Variants in ZNF248 observed in about 807,000 individuals in gnomAD.
ZNF248 encodes zinc finger protein 248.
A neutral mutation model predicts 44.3 loss-of-function variants in ZNF248; 20 were observed. The observed-to-expected ratio is 0.45, with a 90% CI of 0.32 to 0.66. ZNF248 has a LOEUF of 0.66. ZNF248 is among the 30% of genes least tolerant of loss of function. ZNF248 has a pLI of 0.04. For missense variants in ZNF248, 654 were observed against 677.0 expected, an observed-to-expected ratio of 0.97 and a Z score of 0.38; for synonymous variants, 224 against 229.0, an observed-to-expected ratio of 0.98 and a Z score of 0.20.
At chr10:37,789,948 T>A (rs2048304957) in intron 6 of ZNF248, among the ~76,000 whole-genome samples, 2 of 152,096 alleles carry the variant, frequency 1.3e-5, no homozygotes. Flanking sequence ...AAGCTTTATC[T>A]TTTCTTTCAA....
chr10:37,841,921 A>G (rs1424221041), intron 3 of ZNF248, among the ~76,000 whole-genome samples: 1 of 152,198 alleles, frequency 6.6e-6, no homozygotes, highest in Non-Finnish European at 1.5e-5. Flanking sequence ...AAAACAAGGA[A>G]AGTCTGAGAA....
intron 6 of ZNF248, among the ~76,000 whole-genome samples, chr10:37,816,304 AG>A (rs1307219371): frequency 6.6e-6 from 1 of 152,196 alleles, no homozygotes; most frequent in East Asian, 1.9e-4. Flanking sequence ...CACGATCAGA[AG>A]GAGCAATCAG....
intron 6 of ZNF248, among the ~76,000 whole-genome samples, chr10:37,807,208 C>T (rs1348470567): frequency 6.6e-6 from 1 of 152,046 alleles, no homozygotes; most frequent in East Asian, 1.9e-4. Flanking sequence ...TGTCTAAAAC[C>T]ATTTACCCAT....
chr10:37,760,338 C>T, the ZNF248 span, among the ~76,000 whole-genome samples: 1 of 152,094 alleles, frequency 6.6e-6, no homozygotes. Flanking sequence ...TCAGGCAATC[C>T]TCCCACCTCA....
intron 6 of ZNF248, chr10:37,819,967 C>CGGA: frequency 1.3e-6 from 1 of 768,312 alleles, no homozygotes. Context: ...GCGGCCCCAT[C>CGGA]TCAAGCGGTC....
At chr10:37,837,397 G>A (rs1241349892) in intron 5 of ZNF248, among the ~76,000 whole-genome samples, 1 of 152,206 alleles carries the variant, frequency 6.6e-6, no homozygotes, top group East Asian at 1.9e-4. Context: ...ACAGGCGTGA[G>A]CCACCGCACC....
At chr10:37,763,116 G>A in the ZNF248 span, among the ~76,000 whole-genome samples, 2 of 152,120 alleles carry the variant, frequency 1.3e-5, no homozygotes, top group Non-Finnish European at 2.9e-5. Flanking sequence ...GTGAATGCAG[G>A]AATAAAAGAC....
At chr10:37,833,153 T>C (rs769047040) in intron 5 of ZNF248, 37 bp from the exon 6 acceptor site, 1 of 1,536,750 alleles carries the variant, frequency 6.5e-7, no homozygotes, top group Non-Finnish European at 8.7e-7. Context: ...TTATGAACCT[T>C]AATACATTTC....
chr10:37,789,033 G>T (rs138512023), intron 6 of ZNF248, among the ~76,000 whole-genome samples: 3 of 151,952 alleles, frequency 2.0e-5, no homozygotes, highest in Non-Finnish European at 2.9e-5. Flanking sequence ...CTCCATCCCC[G>T]GCTAAAGTTT....
intron 6 of ZNF248, among the ~76,000 whole-genome samples, chr10:37,801,597 A>C (rs2049843558): frequency 6.6e-6 from 1 of 152,192 alleles, no homozygotes; most frequent in South Asian, 2.1e-4. Flanking sequence ...ATATAGAAAA[A>C]TGATTCAAAA....
At chr10:37,823,297 G>A (rs1218718180) in intron 6 of ZNF248, among the ~76,000 whole-genome samples, 32 of 115,640 alleles carry the variant, frequency 2.8e-4, no homozygotes, top group Non-Finnish European at 4.3e-4. Context: ...TTGCGCCACT[G>A]CCCTCCAGCC....
chr10:37,777,378 G>T (rs1335920519), intron 6 of ZNF248, among the ~76,000 whole-genome samples: 1 of 152,090 alleles, frequency 6.6e-6, no homozygotes, highest in Admixed American at 6.5e-5. Context: ...TTCAGGACTT[G>T]CATAAACACC....
chr10:37,832,548 C>A lies in ZNF248; in HGVS notation c.807G>T (p.Pro269=). ...ISQRPHLEME[P]YGCSICGKSF... ...ACTTCCCGCAAATACTGCATCCATACGGCTCCATTTCCAAATGAGGTCTTT... is the reference window on the plus strand; with the variant it reads ...ACTTCCCGCAAATACTGCATCCATAAGGCTCCATTTCCAAATGAGGTCTTT... Residue 269 remains proline (P), a synonymous_variant, in exon 6 of 6, where the codon CCG becomes CCT. Transcript: ENST00000395867. 1.9e-6 allele frequency: 3 copies of A among 1,613,860 alleles called. No homozygotes were observed. Among genetic ancestry groups the A allele is most frequent in the Non-Finnish European group, 2.5e-6 (3 of 1,179,908 alleles).
chr10:37,793,873 T>G (rs1042686732), intron 6 of ZNF248, among the ~76,000 whole-genome samples: 3 of 152,158 alleles, frequency 2.0e-5, no homozygotes, highest in Admixed American at 6.6e-5. Context: ...TGTGATGACA[T>G]TTCTTTTTAA....
chr10:37,791,244 A>G (rs1054076212), intron 6 of ZNF248, among the ~76,000 whole-genome samples: 9 of 151,424 alleles, frequency 5.9e-5, no homozygotes, highest in Non-Finnish European at 1.0e-4. Flanking sequence ...GGGTTTCACC[A>G]TGTTAGCCAG....
intron 3 of ZNF248, among the ~76,000 whole-genome samples, chr10:37,848,013 G>A (rs939929355): frequency 1.3e-5 from 2 of 151,928 alleles, no homozygotes; most frequent in African/African-American, 2.4e-5. Context: ...GCTCACGCCT[G>A]TAATCCCAGC....
At chr10:37,759,343 A>C in the ZNF248 span, among the ~76,000 whole-genome samples, 1 of 152,014 alleles carries the variant, frequency 6.6e-6, no homozygotes, top group Non-Finnish European at 1.5e-5. Context: ...CTACCAACAC[A>C]CTCCCCAGAA....
chr10:37,819,320 GA>G, intron 6 of ZNF248: 2 of 1,064,876 alleles, frequency 1.9e-6, no homozygotes, highest in South Asian at 2.5e-5. Flanking sequence ...AGTATCCAGT[GA>G]AAAGTAATCA....
rs143915518 is a variant in ZNF248 at position 37,829,049 on chromosome 10, T to C, written c.*2566A>G. 5,581 of 985,478 alleles carry C rather than the reference T, an allele frequency of 5.7e-3. 21 individuals are homozygous for C. The highest frequency in any genetic ancestry group is 8.4e-3 in the Middle Eastern group (16 of 1,916). 61.0% of individuals were successfully genotyped at this position (985,478 alleles called of 1,614,324 possible). On this transcript the variant is annotated 3_prime_UTR_variant, in exon 6 of 6. Coordinates refer to ENST00000395867, the MANE Select transcript of ZNF248 (RefSeq NM_021045.3). ...ACAGAAATGAATAACACTGTGCTGC[T>C]TATTCTCCATTTCTCTTCCCAGATT...
Sources: allele counts gnomAD v4.1 joint callset (sites outside exome capture counted in the v4.1 genomes callset), GRCh38; gene constraint gnomAD v4.1.1; transcripts MANE v1.5; gene names NCBI Gene and HGNC (gene_info 2026-07-23, HGNC 2026-07-21).